Variants in UNC80 observed in about 807,000 individuals in gnomAD.
The protein encoded by UNC80 is unc-80 subunit of NALCN channel complex.
UNC80 carries 164 observed loss-of-function variants against 384.6 expected under a neutral mutation model. The observed-to-expected ratio is 0.43, with a 90% CI of 0.38 to 0.49. UNC80 has a LOEUF of 0.49. Among genes scored for constraint, UNC80 ranks in the 20% least tolerant of loss-of-function variants. The pLI, the probability that UNC80 is intolerant of heterozygous loss-of-function variation, is 0.00. For missense variants in UNC80, 3,330 were observed against 4,143.0 expected (o/e 0.80, Z 5.39); for synonymous variants, 1,486 against 1,527.8 (o/e 0.97, Z 0.64).
chr2:209,866,523 CACACACACACAGAGAGAGAGAGAG>C (rs2083817843), intron 22 of UNC80, among the ~76,000 whole-genome samples: 11 of 137,152 alleles, frequency 8.0e-5, no homozygotes, highest in African/African-American at 3.1e-4. Context: ...CACACACACA[CACACACACACAGAGAGAGAGAGAG>C]AGAGAGAGAG....
intron 28 of UNC80, among the ~76,000 whole-genome samples, chr2:209,899,496 A>T (rs997605169): frequency 4.0e-5 from 6 of 151,898 alleles, no homozygotes; most frequent in African/African-American, 1.5e-4. Flanking sequence ...TTATTAATTT[A>T]AAAAAAAGCA....
At chr2:209,851,885 T>C (rs1017902145) in intron 22 of UNC80, among the ~76,000 whole-genome samples, 2 of 152,070 alleles carry the variant, frequency 1.3e-5, no homozygotes, top group Non-Finnish European at 2.9e-5. Flanking sequence ...TAAAATATTA[T>C]GTGAGACCAT....
In UNC80 at chr2:209,849,565, A is replaced by G; in HGVS notation, c.3569A>G (p.Asn1190Ser). 1.9e-6 allele frequency: 3 copies of G among 1,550,912 alleles called. No individual in the cohort carries two copies. In the South Asian group the frequency reaches 3.6e-5, roughly 18 times the overall value. Residue 1190 changes from asparagine to serine, a missense_variant, in exon 22 of 65, where the codon AAC becomes AGC. Around this residue, in one of 8 missense-constraint regions of UNC80, gnomAD observed 801 missense variants for 950.8 expected, o/e 0.84. Coordinates refer to ENST00000673920, the MANE Select transcript of UNC80 (RefSeq NM_001371986.1). ...ATGAAACGCTTCCAATTTCTGTTAA[A>G]CTGCTGTGAGCCAGGGACAATTCCT... ...QGMKRFQFLL[N>S]CCEPGTIPDA...
intron 47 of UNC80, among the ~76,000 whole-genome samples, chr2:209,947,833 C>T (rs552824183): frequency 4.6e-5 from 7 of 152,256 alleles, no homozygotes; most frequent in African/African-American, 1.7e-4. Context: ...ATAACTACCA[C>T]TCAGATTGAA....
intron 7 of UNC80, among the ~76,000 whole-genome samples, chr2:209,809,739 G>A (rs1284435104): frequency 6.6e-6 from 1 of 152,182 alleles, no homozygotes; most frequent in African/African-American, 2.4e-5. Flanking sequence ...ACGGGACTTT[G>A]ATGAAAACCA....
chr2:209,876,504 T>C (rs16843890), intron 23 of UNC80, among the ~76,000 whole-genome samples: 6,781 of 152,278 alleles, frequency 0.045, 512 homozygotes, highest in African/African-American at 0.15. Context: ...GACAAGTTCA[T>C]TTTTTGAGCA....
intron 21 of UNC80, chr2:209,845,246 A>G (rs1387899099): frequency 6.6e-6 from 1 of 152,008 alleles, no homozygotes; most frequent in Non-Finnish European, 1.5e-5. Context: ...TGAGACATAA[A>G]TGTTTGTTGT....
In UNC80 at chr2:209,972,196, C is replaced by T. The variant is rs1454521445; in HGVS notation, c.8257-5C>T. On this transcript the variant is annotated splice_polypyrimidine_tract_variant and splice_region_variant and intron_variant, in intron 54 of 64. Coordinates refer to ENST00000673920, the MANE Select transcript of UNC80 (RefSeq NM_001371986.1). The stretch of plus-strand genomic sequence containing the variant: ...TTAATCTTTTCTTCTATTATTGCTG[C>T]ACAGGCTTTAAAAGAAGATTTTCCT... 1.3e-6 allele frequency: 2 copies of T among 1,550,288 alleles called. No individual in the cohort carries two copies. The highest frequency in any genetic ancestry group is 1.2e-5 in the South Asian group (1 of 83,900).
Position 209,931,693 on chromosome 2 carries a change from C to T in UNC80, c.5994+639C>T, listed in dbSNP as rs936626667. Among the ~76,000 whole-genome samples, 60 of 152,256 alleles carry T rather than the reference C, an allele frequency of 3.9e-4. 1 individual carries two copies. The highest frequency in any genetic ancestry group is 1.4e-3 in the African/African-American group (57 of 41,544). ...TCAGTTATCCATATGCATATGCATC[C>T]CTAGCAGGGTGATAAATTTAACTCC... On this transcript the variant is annotated intron_variant, in intron 38 of 64. Transcript: ENST00000673920.
At chr2:209,828,921 T>C (rs968760567) in intron 14 of UNC80, among the ~76,000 whole-genome samples, 2 of 152,240 alleles carry the variant, frequency 1.3e-5, no homozygotes, top group Non-Finnish European at 2.9e-5. Context: ...AAACTTTTTT[T>C]TTCATTAAGA....
At chr2:209,822,527 C>A (rs2080211985) in intron 13 of UNC80, among the ~76,000 whole-genome samples, 1 of 151,780 alleles carries the variant, frequency 6.6e-6, no homozygotes, top group African/African-American at 2.4e-5. Context: ...TGGTGTTTTG[C>A]CCATTATAAT....
At chr2:209,939,376 A>T in intron 42 of UNC80, 96 bp from the exon 43 acceptor site, 1 of 1,262,410 alleles carries the variant, frequency 7.9e-7, no homozygotes, top group Non-Finnish European at 1.1e-6. Context: ...TTATCAACCC[A>T]GTTTGCCATT....
intron 56 of UNC80, among the ~76,000 whole-genome samples, chr2:209,973,737 T>C (rs781392428): frequency 6.6e-5 from 10 of 152,324 alleles, no homozygotes; most frequent in African/African-American, 1.2e-4. Context: ...GTGGGGCTCA[T>C]TGATCTGTCA....
At position 209,823,851 on chromosome 2, in the gene UNC80, C is replaced by T. The variant is rs577152701; in HGVS notation, c.2332-2056C>T. ...AGTTAGTAAATGTTGAAGCTAAAATCGGAATTCAAACTAAAAATCCAAAAA... is the reference window on the plus strand; with the variant it reads ...AGTTAGTAAATGTTGAAGCTAAAATTGGAATTCAAACTAAAAATCCAAAAA... On this transcript the variant is annotated intron_variant, in intron 13 of 64. Transcript: ENST00000673920. 9.9e-5 allele frequency among the ~76,000 whole-genome samples: 15 copies of T among 152,008 alleles called. No homozygotes were observed. In the South Asian group the frequency reaches 1.7e-3, roughly 17 times the overall value.
chr2:209,855,833 T>C (rs114685404), intron 22 of UNC80, among the ~76,000 whole-genome samples: 2,057 of 152,296 alleles, frequency 0.014, 52 homozygotes, highest in African/African-American at 0.045. Flanking sequence ...TGTTAATGTT[T>C]ACTCATGAAT....
intron 35 of UNC80, 140 bp downstream of exon 35, chr2:209,922,523 C>A: frequency 9.2e-7 from 1 of 1,083,238 alleles, no homozygotes; most frequent in Non-Finnish European, 1.3e-6. Context: ...AAAAAATTAG[C>A]ATGGCATCCT....
intron 22 of UNC80, among the ~76,000 whole-genome samples, chr2:209,856,164 T>G (rs982091230): frequency 3.3e-5 from 5 of 152,158 alleles, no homozygotes; most frequent in Non-Finnish European, 7.4e-5. Context: ...AACAATGTGG[T>G]GCTTTAAAGT....
At position 209,826,029 on chromosome 2, in the gene UNC80, G is replaced by A; in HGVS notation, c.2454G>A (p.Leu818=). The change falls in exon 14 of 65, where the codon CTG becomes CTA. Residue 818 remains leucine, a synonymous_variant. Coordinates refer to ENST00000673920, the MANE Select transcript of UNC80 (RefSeq NM_001371986.1). ...EGHRGLSGDR[L]RHQVFRENAQ... ...ACCGAGGGCTCTCTGGAGATCGTCTGAGACACCAGGTATTCCGAGAGAATG... is the reference window on the plus strand; with the variant it reads ...ACCGAGGGCTCTCTGGAGATCGTCTAAGACACCAGGTATTCCGAGAGAATG... 1 of 1,549,734 alleles carries A rather than the reference G, an allele frequency of 6.5e-7. No homozygotes were observed. The highest frequency in any genetic ancestry group is 8.7e-7 in the Non-Finnish European group (1 of 1,146,104).
chr2:209,893,585 T>C (rs906806545), intron 26 of UNC80, among the ~76,000 whole-genome samples: 1 of 152,158 alleles, frequency 6.6e-6, no homozygotes. Flanking sequence ...GAGGATAGTA[T>C]GAAGTCATTA....
Sources: gnomAD v4.1 joint callset for allele counts (sites outside exome capture counted in the v4.1 genomes callset) on GRCh38, gnomAD v4.1.1 for gene constraint, gnomAD v4.1.1 regional missense constraint, MANE v1.5 for transcripts, NCBI Gene and HGNC (gene_info 2026-07-23, HGNC 2026-07-21) for gene names.